UBAC1: variants seen among roughly 807,000 people sequenced by gnomAD.
The protein encoded by UBAC1 is ubiquitin-associated domain-containing protein 1.
Under a neutral mutation model 45.9 loss-of-function variants are expected in UBAC1, and 27 were observed. That is an observed-to-expected ratio of 0.59 (90% confidence interval 0.43 to 0.81). The LOEUF (loss-of-function observed/expected upper bound fraction) is 0.81. UBAC1 is among the 30% of genes least tolerant of loss of function. The pLI is 0.00. For missense variants in UBAC1, 529 were observed against 539.2 expected (o/e 0.98, Z 0.19); for synonymous variants, 227 against 215.5 (o/e 1.05, Z -0.47).
chr9:135,949,577 G>A lies in UBAC1; in HGVS notation c.334-1672C>T, dbSNP rs573949341. Among the ~76,000 whole-genome samples, 6 of 152,338 alleles carry A rather than the reference G, an allele frequency of 3.9e-5. No individual in the cohort carries two copies. The South Asian group carries it at 1.0e-3, about 26-fold the overall frequency. On this transcript the variant is annotated intron_variant, in intron 3 of 9. Coordinates refer to ENST00000371756, the MANE Select transcript of UBAC1 (RefSeq NM_016172.3). ...CAGAGCTGCCTCACGTACTGCATAC[G>A]GCTGGCACCCCCTCCACAGCTGCTG...
In UBAC1 at chr9:135,933,620, T is replaced by C. The variant is rs572561573; in HGVS notation, c.1103-105A>G. On this transcript the variant is annotated intron_variant, in intron 9 of 9. Transcript: ENST00000371756. ...AGCTTCCTAATGAAGAGGGTGCGTCTCCAATACAAAGGCCACACAGAGCTC... is the reference window on the plus strand; with the variant it reads ...AGCTTCCTAATGAAGAGGGTGCGTCCCCAATACAAAGGCCACACAGAGCTC... The C allele has an allele frequency of 3.7e-5, 30 of 805,778 alleles. No homozygotes were observed. The East Asian group carries it at 7.2e-4, about 19-fold the overall frequency. The allele number at this position is 805,778 out of a possible 1,614,324, so 49.9% of individuals were successfully genotyped here. A position where few individuals can be genotyped will look rare whatever the true frequency, so the allele number is the denominator to read the frequency against.
In UBAC1 at chr9:135,938,086, T is replaced by C. The variant is rs943867065; in HGVS notation, c.1102+136A>G. 5.1e-5 allele frequency: 70 copies of C among 1,367,030 alleles called. 1 individual carries two copies. The highest frequency in any genetic ancestry group is 1.1e-4 in the Admixed American group (5 of 46,320). 84.7% of individuals were successfully genotyped at this position (1,367,030 alleles called of 1,614,324 possible). On this transcript the variant is annotated intron_variant, in intron 9 of 9. Coordinates refer to ENST00000371756, the MANE Select transcript of UBAC1 (RefSeq NM_016172.3). ...TACACCCGCAGGATGCCAACCTGCA[T>C]GGCAGGACGTGCTGCCAGCGCACGG... is the stretch of plus-strand genomic sequence containing the variant.
At position 135,961,099 on chromosome 9, in the gene UBAC1, C is replaced by T. The variant is rs1217885647; in HGVS notation, c.64G>A (p.Asp22Asn). The change falls in exon 1 of 10, where the codon GAC (aspartate) becomes AAC (asparagine). Residue 22 changes from aspartate to asparagine, a missense_variant. Transcript: ENST00000371756. Reference protein sequence around the residue: ...KVLRLHICASDGAEWLEEATE... With the variant: ...KVLRLHICASNGAEWLEEATE... ...GCCTCCTCCAGCCACTCGGCGCCGT[C>T]GGACGCGCAGATGTGCAGCCGCAGC... 5.7e-6 allele frequency: 9 copies of T among 1,589,662 alleles called. No individual in the cohort carries two copies. Among genetic ancestry groups the T allele is most frequent in the African/African-American group, 2.7e-5 (2 of 72,766 alleles).
At chr9:135,957,465 G>A (rs779301708) in intron 1 of UBAC1, among the ~76,000 whole-genome samples, 3 of 152,078 alleles carry the variant, frequency 2.0e-5, no homozygotes, top group Admixed American at 6.6e-5. Context: ...CAGTCCACGT[G>A]TCACCAGCAC....
chr9:135,933,566 C>T, intron 9 of UBAC1, 51 bp from the exon 10 acceptor site: 2 of 1,378,248 alleles, frequency 1.5e-6, no homozygotes, highest in Non-Finnish European at 2.1e-6. Context: ...ACTCAGCCCA[C>T]AGGCACAGGC....
At chr9:135,936,907 C>G (rs574172965) in intron 9 of UBAC1, among the ~76,000 whole-genome samples, 1 of 152,318 alleles carries the variant, frequency 6.6e-6, no homozygotes, top group African/African-American at 2.4e-5. Context: ...AACTGAACAA[C>G]GGCATCTGCA....
intron 3 of UBAC1, among the ~76,000 whole-genome samples, chr9:135,951,474 A>C (rs558240886): frequency 8.5e-5 from 13 of 152,054 alleles, no homozygotes; most frequent in African/African-American, 2.9e-4. Context: ...TGGGCAACAG[A>C]GTGAGATCCT....
At chr9:135,954,833 T>C (rs1274780843) in intron 2 of UBAC1, among the ~76,000 whole-genome samples, 2 of 152,184 alleles carry the variant, frequency 1.3e-5, no homozygotes, top group Non-Finnish European at 2.9e-5. Context: ...TCAAAACAGC[T>C]TACTTCAAGG....
At chr9:135,937,675 C>T (rs752850329) in intron 9 of UBAC1, among the ~76,000 whole-genome samples, 9 of 152,130 alleles carry the variant, frequency 5.9e-5, no homozygotes, top group Non-Finnish European at 1.3e-4. Flanking sequence ...AGAGGTAAGC[C>T]GCGGCCACGG....
At chr9:135,942,666 A>G (rs1027675271) in intron 7 of UBAC1, among the ~76,000 whole-genome samples, 4 of 151,804 alleles carry the variant, frequency 2.6e-5, no homozygotes, top group Non-Finnish European at 4.4e-5. Context: ...AAAAAAAAAA[A>G]AGAGAAACTT....
At chr9:135,941,266 C>T (rs866350025) in intron 7 of UBAC1, among the ~76,000 whole-genome samples, 2 of 152,056 alleles carry the variant, frequency 1.3e-5, no homozygotes, top group African/African-American at 2.4e-5. Context: ...AGTAGCTGGG[C>T]GTGGTGGCGG....
intron 8 of UBAC1, among the ~76,000 whole-genome samples, chr9:135,939,125 C>T (rs1839235850): frequency 1.3e-5 from 2 of 151,628 alleles, no homozygotes; most frequent in African/African-American, 2.4e-5. Context: ...TCGCTTGGGC[C>T]CAGGAGGTCG....
chr9:135,933,312 G>A lies in UBAC1; in HGVS notation c.*88C>T. The A allele has an allele frequency of 1.9e-6, 2 of 1,047,532 alleles. No individual in the cohort carries two copies. Among genetic ancestry groups the A allele is most frequent in the Non-Finnish European group, 3.0e-6 (2 of 673,586 alleles). The allele number at this position is 1,047,532 out of a possible 1,614,324, so 64.9% of individuals were successfully genotyped here. On this transcript the variant is annotated 3_prime_UTR_variant, in exon 10 of 10. Transcript: ENST00000371756. ...ACAGTCCAGGGCTGAGGCGCTGAAG[G>A]TGAGTTTCCAGGTGAGGTCCACTCT... is the stretch of plus-strand genomic sequence containing the variant.
intron 8 of UBAC1, 42 bp from the exon 9 acceptor site, chr9:135,938,402 G>C (rs772757887): frequency 6.3e-7 from 1 of 1,598,060 alleles, no homozygotes; most frequent in Admixed American, 1.7e-5. Context: ...AGCGCCTTCA[G>C]TGCCTCCGCA....
At chr9:135,954,426 T>C (rs1309166956) in intron 2 of UBAC1, among the ~76,000 whole-genome samples, 1 of 152,144 alleles carries the variant, frequency 6.6e-6, no homozygotes, top group African/African-American at 2.4e-5. Flanking sequence ...CCTGGGTGAC[T>C]GAGCGACACC....
chr9:135,945,882 C>A lies in UBAC1; in HGVS notation c.653+7G>T, dbSNP rs1474952728. 6.2e-7 allele frequency: 1 copy of A among 1,613,550 alleles called. No homozygotes were observed. The highest frequency in any genetic ancestry group is 1.7e-5 in the Admixed American group (1 of 60,008). On this transcript the variant is annotated splice_region_variant and intron_variant, in intron 6 of 9. Transcript: ENST00000371756. ...CCGGCAAGGGAAGGAGGTGGCCCCC[C>A]ACGCACTGGTTCAGCTGAAGGGCCT...
At chr9:135,945,279 C>T (rs781206315) in intron 6 of UBAC1, 29 bp from the exon 7 acceptor site, 2 of 1,529,872 alleles carry the variant, frequency 1.3e-6, no homozygotes, top group Admixed American at 4.1e-5. Flanking sequence ...TTTCCAACAT[C>T]CCCAGACTAA....
chr9:135,948,044 G>T, intron 3 of UBAC1, 139 bp from the exon 4 acceptor site: 1 of 704,440 alleles, frequency 1.4e-6, no homozygotes. Flanking sequence ...TTGATGAGCT[G>T]GGGGAGCCTG....
intron 1 of UBAC1, among the ~76,000 whole-genome samples, chr9:135,955,968 A>G (rs533240168): frequency 6.6e-6 from 1 of 152,294 alleles, no homozygotes; most frequent in Admixed American, 6.5e-5. Context: ...TAAGAGGGGC[A>G]CTTAGCATGA....
Sources: allele counts gnomAD v4.1 joint callset (sites outside exome capture counted in the v4.1 genomes callset), GRCh38; gene constraint gnomAD v4.1.1; transcripts MANE v1.5; gene names NCBI Gene and HGNC (gene_info 2026-07-23, HGNC 2026-07-21).